The following TMEM272 variants were observed in gnomAD, a reference collection of about 807,000 sequenced individuals.
TMEM272 encodes the protein transmembrane protein 272.
TMEM272 carries 8 observed loss-of-function variants against 3.7 expected under a neutral mutation model. That is an observed-to-expected ratio of 2.17 (90% CI 1.27 to 3.91). TMEM272 has a LOEUF of 3.91. Among genes scored for constraint, TMEM272 ranks in the 30% most tolerant of loss-of-function variants. TMEM272 has a pLI of 0.00. For synonymous variants in TMEM272, 63 were observed against 39.8 expected (o/e 1.58, Z -2.20); for missense variants, 166 against 91.5 (o/e 1.81, Z -3.32).
At chr13:51,890,483 C>A in the TMEM272 span, among the ~76,000 whole-genome samples, 138,236 of 152,128 alleles carry the variant, frequency 0.91, 63,124 homozygotes, top group East Asian at 0.97. Context: ...TGAGTGGAAG[C>A]AGCCCAGGAC....
intron 2 of TMEM272, among the ~76,000 whole-genome samples, chr13:51,835,929 G>C (rs1367030278): frequency 2.0e-5 from 3 of 152,132 alleles, no homozygotes; most frequent in Non-Finnish European, 4.4e-5. Flanking sequence ...AATTTACATT[G>C]ATACAATATT....
intron 2 of TMEM272, among the ~76,000 whole-genome samples, chr13:51,835,970 G>T (rs1364899334): frequency 6.6e-6 from 1 of 152,160 alleles, no homozygotes; most frequent in Non-Finnish European, 1.5e-5. Context: ...CAATGTTGAT[G>T]ACCTAATAAA....
the TMEM272 span, among the ~76,000 whole-genome samples, chr13:51,878,095 G>T: frequency 2.6e-5 from 4 of 152,310 alleles, no homozygotes; most frequent in East Asian, 7.7e-4. Context: ...ATGGCGGCAG[G>T]GAGAAGTGCC....
the TMEM272 span, among the ~76,000 whole-genome samples, chr13:51,891,766 C>T: frequency 2.6e-5 from 4 of 152,022 alleles, no homozygotes; most frequent in East Asian, 3.9e-4. Flanking sequence ...ATTTTTGATT[C>T]GAACCCCTAG....
the TMEM272 span, among the ~76,000 whole-genome samples, chr13:51,911,178 T>C: frequency 5.9e-5 from 9 of 152,174 alleles, no homozygotes; most frequent in African/African-American, 9.7e-5. Context: ...CCATGGTAAA[T>C]TGTGATAAGT....
chr13:51,863,316 T>C, the TMEM272 span, among the ~76,000 whole-genome samples: 1 of 152,126 alleles, frequency 6.6e-6, no homozygotes. Context: ...TACAGGGTCT[T>C]TGAAGGTGTG....
At chr13:51,890,000 T>C in the TMEM272 span, among the ~76,000 whole-genome samples, 1 of 152,066 alleles carries the variant, frequency 6.6e-6, no homozygotes, top group East Asian at 1.9e-4. Context: ...ACGGGGTGCA[T>C]GGAGGGGCTT....
chr13:51,896,059 G>C, the TMEM272 span, among the ~76,000 whole-genome samples: 1 of 152,128 alleles, frequency 6.6e-6, no homozygotes, highest in Non-Finnish European at 1.5e-5. Flanking sequence ...TTTCTTCAGG[G>C]AGAACAAGAG....
chr13:51,840,245 G>A (rs975099678), intron 1 of TMEM272, among the ~76,000 whole-genome samples: 7 of 152,134 alleles, frequency 4.6e-5, no homozygotes, highest in African/African-American at 1.7e-4. Context: ...AAGAAACCTG[G>A]AAAGGAGAGG....
At chr13:51,825,607 TGCTGA>T (rs1374600564) in intron 3 of TMEM272, among the ~76,000 whole-genome samples, 2 of 150,358 alleles carry the variant, frequency 1.3e-5, no homozygotes, top group African/African-American at 4.9e-5. Flanking sequence ...ACACTGGGCC[TGCTGA>T]GCTGCTTCTT....
Position 51,816,437 on chromosome 13 carries a change from C to G in TMEM272, c.*314G>C. 4.1e-6 allele frequency: 1 copy of G among 246,074 alleles called. No homozygotes were observed. 15.2% of individuals were successfully genotyped at this position (246,074 alleles called of 1,614,324 possible). On this transcript the variant is annotated 3_prime_UTR_variant, in exon 5 of 5. Transcript: ENST00000629372. The stretch of plus-strand genomic sequence containing the variant: ...TTGCACTATGATTTGAAAAGGTCTC[C>G]CATTCTTTGCCTCCCACACTTCATA...
chr13:51,842,809 T>C (rs542693023), intron 1 of TMEM272, among the ~76,000 whole-genome samples: 1 of 152,358 alleles, frequency 6.6e-6, no homozygotes, highest in South Asian at 2.1e-4. Flanking sequence ...GAGTACGCTA[T>C]ATCAAACTAT....
the TMEM272 span, among the ~76,000 whole-genome samples, chr13:51,867,037 G>A: frequency 5.3e-5 from 8 of 152,196 alleles, no homozygotes; most frequent in East Asian, 1.2e-3. Flanking sequence ...TATAGGGAAT[G>A]CCACACAAAT....
At chr13:51,898,651 C>T in the TMEM272 span, among the ~76,000 whole-genome samples, 1 of 150,462 alleles carries the variant, frequency 6.6e-6, no homozygotes, top group Non-Finnish European at 1.5e-5. Context: ...TCCTCTTCTG[C>T]CCTTTGCCTA....
the TMEM272 span, among the ~76,000 whole-genome samples, chr13:51,871,817 C>G: frequency 6.7e-6 from 1 of 148,792 alleles, no homozygotes; most frequent in East Asian, 1.9e-4. Flanking sequence ...CACACACACA[C>G]ACACACACAC....
At chr13:51,892,099 G>A in the TMEM272 span, among the ~76,000 whole-genome samples, 2 of 152,272 alleles carry the variant, frequency 1.3e-5, no homozygotes, top group East Asian at 1.9e-4. Flanking sequence ...TCAGGGAGAA[G>A]AGCTGAAAGG....
chr13:51,928,984 G>T, the TMEM272 span, among the ~76,000 whole-genome samples: 2 of 152,194 alleles, frequency 1.3e-5, no homozygotes, highest in African/African-American at 2.4e-5. Flanking sequence ...GGATCACGAG[G>T]TCAGGAGATC....
the TMEM272 span, among the ~76,000 whole-genome samples, chr13:51,914,739 C>T: frequency 6.6e-6 from 1 of 152,236 alleles, no homozygotes; most frequent in African/African-American, 2.4e-5. Flanking sequence ...AGCAGCCTCA[C>T]AGCACCTGGG....
At chr13:51,869,160 A>G in the TMEM272 span, among the ~76,000 whole-genome samples, 3 of 152,214 alleles carry the variant, frequency 2.0e-5, no homozygotes, top group Non-Finnish European at 2.9e-5. Context: ...CTTATTTTGT[A>G]GATGAAGGAA....
Sources: allele counts gnomAD v4.1 joint callset (sites outside exome capture counted in the v4.1 genomes callset), GRCh38; gene constraint gnomAD v4.1.1; transcripts MANE v1.5; gene names NCBI Gene and HGNC (gene_info 2026-07-23, HGNC 2026-07-21).